Variants in MYCT1 observed in about 807,000 individuals in gnomAD.
MYCT1 encodes the protein myc target protein 1.
Under a neutral mutation model 15.0 loss-of-function variants are expected in MYCT1, and 12 were observed. The observed-to-expected ratio is 0.80, with a 90% CI of 0.51 to 1.29. The LOEUF (loss-of-function observed/expected upper bound fraction) is 1.29. MYCT1 is among the 50% of genes most tolerant of loss of function. The pLI is 0.00. For missense variants in MYCT1, 287 were observed against 279.1 expected, an observed-to-expected ratio of 1.03 and a Z score of -0.20; for synonymous variants, 104 against 102.7, an observed-to-expected ratio of 1.01 and a Z score of -0.07.
intron 1 of MYCT1, among the ~76,000 whole-genome samples, chr6:152,716,212 C>G (rs1465974256): frequency 6.6e-6 from 1 of 152,090 alleles, no homozygotes; most frequent in Admixed American, 6.5e-5. Flanking sequence ...TGTTCTGGCA[C>G]ATGAGATATA....
At chr6:152,702,190 T>G (rs1157375159) in intron 1 of MYCT1, among the ~76,000 whole-genome samples, 2 of 152,178 alleles carry the variant, frequency 1.3e-5, no homozygotes, top group Non-Finnish European at 2.9e-5. Context: ...GCTCCTCCTC[T>G]TTAGATGCAT....
chr6:152,738,908 T>C, the MYCT1 span, among the ~76,000 whole-genome samples: 1 of 152,026 alleles, frequency 6.6e-6, no homozygotes, highest in Non-Finnish European at 1.5e-5. Flanking sequence ...ATTTTAAATA[T>C]AAGGCACCAT....
downstream of MYCT1, among the ~76,000 whole-genome samples, chr6:152,727,555 G>T (rs1380962284): frequency 6.6e-6 from 1 of 152,260 alleles, no homozygotes; most frequent in African/African-American, 2.4e-5. Context: ...CATGCTGGAA[G>T]AACAGATTTA....
chr6:152,721,666 G>C, intron 1 of MYCT1, 76 bp from the exon 2 acceptor site: 1 of 1,329,592 alleles, frequency 7.5e-7, no homozygotes, highest in Non-Finnish European at 1.0e-6. Context: ...TTGAATTACA[G>C]TATATATGCT....
intron 1 of MYCT1, among the ~76,000 whole-genome samples, chr6:152,717,690 C>G (rs1384967807): frequency 6.6e-6 from 1 of 152,078 alleles, no homozygotes; most frequent in Non-Finnish European, 1.5e-5. Flanking sequence ...CCAATTAAAC[C>G]TCTTTCTTTT....
chr6:152,708,456 G>T (rs2099722674), intron 1 of MYCT1, among the ~76,000 whole-genome samples: 1 of 151,800 alleles, frequency 6.6e-6, no homozygotes, highest in African/African-American at 2.4e-5. Flanking sequence ...AGGTGGGAGG[G>T]TCATTTGAGC....
chr6:152,705,072 CA>C (rs1272216968), intron 1 of MYCT1, among the ~76,000 whole-genome samples: 2 of 152,128 alleles, frequency 1.3e-5, no homozygotes, highest in East Asian at 3.9e-4. Flanking sequence ...TTACATTCCA[CA>C]AATAAGTGCA....
chr6:152,713,317 AT>A (rs1437064292), intron 1 of MYCT1, among the ~76,000 whole-genome samples: 1 of 152,180 alleles, frequency 6.6e-6, no homozygotes, highest in East Asian at 1.9e-4. Flanking sequence ...TTTACTTGAA[AT>A]CATTGAATAT....
the MYCT1 span, among the ~76,000 whole-genome samples, chr6:152,735,278 A>G: frequency 6.6e-6 from 1 of 152,158 alleles, no homozygotes; most frequent in Non-Finnish European, 1.5e-5. Context: ...TAAATATTAT[A>G]AATAGATAAA....
Position 152,698,041 on chromosome 6 carries a change from G to T in MYCT1, c.139G>T (p.Asp47Tyr), listed in dbSNP as rs2099720707. Reference protein sequence around the residue: ...VFLLFLLFLVDIMANNTTSLG... With the variant: ...VFLLFLLFLVYIMANNTTSLG... ...TCTTCTCTTTCTTCTATTTCTTGTG[G>T]ATATTATGGCTAATAACACAACAAG... is the stretch of plus-strand genomic sequence containing the variant. Residue 47 changes from aspartate (D) to tyrosine (Y), a missense_variant, in exon 1 of 2, where the codon GAT (aspartate) becomes TAT (tyrosine). Coordinates refer to ENST00000367245, the MANE Select transcript of MYCT1 (RefSeq NM_025107.3). 6.2e-7 allele frequency: 1 copy of T among 1,608,338 alleles called. No homozygotes were observed. Among genetic ancestry groups the T allele is most frequent in the Non-Finnish European group, 8.5e-7 (1 of 1,178,144 alleles).
At chr6:152,730,967 C>T in the MYCT1 span, among the ~76,000 whole-genome samples, 103,113 of 152,026 alleles carry the variant, frequency 0.68, 35,231 homozygotes, top group East Asian at 0.82. Flanking sequence ...AAATAAAGCA[C>T]AGGTTATACA....
the MYCT1 span, among the ~76,000 whole-genome samples, chr6:152,741,124 G>A: frequency 1.3e-5 from 2 of 152,240 alleles, no homozygotes; most frequent in African/African-American, 4.8e-5. Flanking sequence ...TCCCAACTTT[G>A]TCAATGTTTC....
chr6:152,725,334 A>G (rs1251371981), downstream of MYCT1, among the ~76,000 whole-genome samples: 3 of 152,248 alleles, frequency 2.0e-5, no homozygotes, highest in South Asian at 6.2e-4. Context: ...CAATTCACCA[A>G]AGAGAAAAAT....
the MYCT1 span, among the ~76,000 whole-genome samples, chr6:152,731,519 C>T: frequency 6.6e-6 from 1 of 152,110 alleles, no homozygotes; most frequent in African/African-American, 2.4e-5. Context: ...ATCCCTTCCC[C>T]CTCCCGCTAT....
chr6:152,713,759 G>T (rs1475949892), intron 1 of MYCT1, among the ~76,000 whole-genome samples: 1 of 152,016 alleles, frequency 6.6e-6, no homozygotes, highest in Non-Finnish European at 1.5e-5. Flanking sequence ...TCTTCTCCAG[G>T]ATTTCCCTCT....
intron 1 of MYCT1, among the ~76,000 whole-genome samples, chr6:152,698,699 A>G (rs2099720835): frequency 6.6e-6 from 1 of 152,238 alleles, no homozygotes; most frequent in African/African-American, 2.4e-5. Context: ...AATAATATGA[A>G]ATTTGAGAAA....
chr6:152,721,553 C>T (rs1207082313), intron 1 of MYCT1, among the ~76,000 whole-genome samples, 189 bp from the exon 2 acceptor site: 1 of 152,092 alleles, frequency 6.6e-6, no homozygotes, highest in Non-Finnish European at 1.5e-5. Context: ...TATCTTTCTG[C>T]TTGAATAAAT....
In MYCT1 at chr6:152,719,227, A is replaced by G. The variant is rs528027821; in HGVS notation, c.197-2515A>G. 2.1e-4 allele frequency among the ~76,000 whole-genome samples: 32 copies of G among 152,352 alleles called. No homozygotes were observed. In the East Asian group the frequency reaches 3.9e-3, roughly 18 times the overall value. ...TGGAAATATATCTGTAGAACACACA[A>G]TATTATTTAACCACCATTCTCTCAA... On this transcript the variant is annotated intron_variant, in intron 1 of 1. Transcript: ENST00000367245.
chr6:152,731,283 TTG>T, the MYCT1 span, among the ~76,000 whole-genome samples: 2 of 151,744 alleles, frequency 1.3e-5, no homozygotes, highest in Non-Finnish European at 2.9e-5. Flanking sequence ...TTTAAATTTT[TTG>T]TGTGTGTTTA....
Sources: gnomAD v4.1 joint callset for allele counts (sites outside exome capture counted in the v4.1 genomes callset) on GRCh38, gnomAD v4.1.1 for gene constraint, MANE v1.5 for transcripts, NCBI Gene and HGNC (gene_info 2026-07-23, HGNC 2026-07-21) for gene names.